The following TBX15 variants were observed in gnomAD, a reference collection of about 807,000 sequenced individuals.
The protein encoded by TBX15 is T-box transcription factor 15, also known as T-box transcription factor TBX15.
A neutral mutation model predicts 53.9 loss-of-function variants in TBX15; 18 were observed. That is an observed-to-expected ratio of 0.33 (90% CI 0.23 to 0.49). The LOEUF is 0.49. Among genes scored for constraint, TBX15 ranks in the 20% least tolerant of loss-of-function variants. TBX15 has a pLI of 0.98. For synonymous variants in TBX15, 295 were observed against 278.0 expected, an observed-to-expected ratio of 1.06 and a Z score of -0.61; for missense variants, 692 against 749.5, an observed-to-expected ratio of 0.92 and a Z score of 0.90.
chr1:118,899,100 T>A lies in TBX15; in HGVS notation c.952A>T (p.Thr318Ser). 6.2e-7 allele frequency: 1 copy of A among 1,613,638 alleles called. No individual in the cohort carries two copies. Among genetic ancestry groups the A allele is most frequent in the Non-Finnish European group, 8.5e-7 (1 of 1,179,684 alleles). Residue 318 changes from threonine (T) to serine (S), a missense_variant, in exon 7 of 8, where the codon ACA (threonine) becomes TCA (serine). Transcript: ENST00000369429. ...ACAGGAGGTCTCCAGAATGCATATG[T>A]CTCCATGATGGCTTCAAGTCCAGTT... ...NRTGLEAIME[T>S]YAFWRPPVRT...
intron 6 of TBX15, chr1:118,901,324 C>G (rs1654622509): frequency 2.2e-6 from 1 of 456,090 alleles, no homozygotes. Flanking sequence ...CAAACTTATT[C>G]TTTCATCAGG....
chr1:118,987,122 A>C (rs559767660), intron 1 of TBX15, among the ~76,000 whole-genome samples: 145 of 152,322 alleles, frequency 9.5e-4, no homozygotes, highest in African/African-American at 3.4e-3. Flanking sequence ...TTGGTGGGAG[A>C]AAGGCAAGGA....
chr1:118,898,963 T>C, intron 7 of TBX15, 65 bp downstream of exon 7: 1 of 1,514,232 alleles, frequency 6.6e-7, no homozygotes, highest in South Asian at 1.1e-5. Context: ...TGTGCTATAT[T>C]CGGTTGAGCT....
At chr1:118,898,192 C>G (rs535823038) in intron 7 of TBX15, among the ~76,000 whole-genome samples, 4 of 152,152 alleles carry the variant, frequency 2.6e-5, no homozygotes, top group Non-Finnish European at 5.9e-5. Context: ...TAGCCTAGAC[C>G]TAGTCTAACT....
At chr1:118,909,686 A>T (rs149611789) in intron 6 of TBX15, among the ~76,000 whole-genome samples, 29 of 152,278 alleles carry the variant, frequency 1.9e-4, no homozygotes, top group African/African-American at 7.0e-4. Context: ...AGATTCAAGC[A>T]ATCCTCCTGC....
At chr1:118,970,610 G>T (rs984020796) in intron 1 of TBX15, among the ~76,000 whole-genome samples, 5 of 152,186 alleles carry the variant, frequency 3.3e-5, no homozygotes, top group African/African-American at 1.2e-4. Flanking sequence ...GACCATCTGT[G>T]TCAGAACCAA....
intron 7 of TBX15, chr1:118,890,946 T>C (rs1654119693): frequency 7.7e-7 from 1 of 1,303,888 alleles, no homozygotes; most frequent in Non-Finnish European, 1.0e-6. Flanking sequence ...CTGTGTATCC[T>C]TGAGAAGTCT....
chr1:118,979,837 G>A (rs186716702), intron 1 of TBX15, among the ~76,000 whole-genome samples: 2 of 152,258 alleles, frequency 1.3e-5, no homozygotes, highest in African/African-American at 4.8e-5. Flanking sequence ...GCGATGCGGC[G>A]AGGCGAGGCG....
intron 5 of TBX15, among the ~76,000 whole-genome samples, chr1:118,920,409 T>G (rs1394858268): frequency 6.6e-6 from 1 of 152,030 alleles, no homozygotes; most frequent in African/African-American, 2.4e-5. Flanking sequence ...AGGGCATTCC[T>G]GGAAAAGAAA....
intron 5 of TBX15, among the ~76,000 whole-genome samples, chr1:118,919,375 T>C (rs553336097): frequency 3.9e-5 from 6 of 152,312 alleles, no homozygotes; most frequent in African/African-American, 1.4e-4. Flanking sequence ...GAAGAGATTC[T>C]GGGCATGCTA....
intron 5 of TBX15, among the ~76,000 whole-genome samples, chr1:118,916,736 T>A (rs538907747): frequency 1.3e-5 from 2 of 152,002 alleles, no homozygotes; most frequent in African/African-American, 4.8e-5. Context: ...CATGGTGGTG[T>A]GCACCTGTAG....
intron 1 of TBX15, among the ~76,000 whole-genome samples, chr1:118,933,048 A>G (rs1428782880): frequency 6.6e-6 from 1 of 152,158 alleles, no homozygotes; most frequent in East Asian, 1.9e-4. Flanking sequence ...AATCCTTGAC[A>G]CTAGTAAGAT....
intron 6 of TBX15, among the ~76,000 whole-genome samples, chr1:118,905,497 T>C (rs1654785550): frequency 6.6e-6 from 1 of 152,178 alleles, no homozygotes; most frequent in Non-Finnish European, 1.5e-5. Context: ...AGCCAAAGAA[T>C]ATGATAAACA....
chr1:118,914,014 T>A (rs1166426628), intron 6 of TBX15, 101 bp downstream of exon 6: 3 of 1,150,886 alleles, frequency 2.6e-6, no homozygotes, highest in Non-Finnish European at 3.9e-6. Context: ...TGGCGGAGCA[T>A]ACAGGTGTTT....
At chr1:118,907,259 C>A (rs1044535729) in intron 6 of TBX15, among the ~76,000 whole-genome samples, 1 of 152,106 alleles carries the variant, frequency 6.6e-6, no homozygotes, top group Admixed American at 6.6e-5. Context: ...AGGGTAAAGC[C>A]CAAGGTCACA....
At position 118,884,181 on chromosome 1, in the gene TBX15, C is replaced by T. The variant is rs1189644443; in HGVS notation, c.*551G>A. 1.3e-5 allele frequency: 2 copies of T among 157,214 alleles called. No homozygotes were observed. Among genetic ancestry groups the T allele is most frequent in the African/African-American group, 4.8e-5 (2 of 41,466 alleles). The allele number at this position is 157,214 out of a possible 1,614,324, so 9.7% of individuals were successfully genotyped here. ...CAGAGGAAGCTGCAGGGGAGAAAGA[C>T]TGGCAGCTACTGCTGGCCCACTCCA... On this transcript the variant is annotated 3_prime_UTR_variant, in exon 8 of 8. Transcript: ENST00000369429.
At chr1:118,966,346 G>A (rs1657033897) in intron 1 of TBX15, among the ~76,000 whole-genome samples, 1 of 152,184 alleles carries the variant, frequency 6.6e-6, no homozygotes, top group South Asian at 2.1e-4. Flanking sequence ...GGCCTGCTGG[G>A]CAGCAGCTGA....
chr1:118,972,573 A>G (rs1209920246), intron 1 of TBX15, among the ~76,000 whole-genome samples: 2 of 152,070 alleles, frequency 1.3e-5, no homozygotes, highest in Non-Finnish European at 2.9e-5. Context: ...ATCTTGTGCC[A>G]ACACTCTCCA....
chr1:118,885,170 A>C lies in TBX15; in HGVS notation c.1371T>G (p.Pro457=). Residue 457 remains proline (P), a synonymous_variant, in exon 8 of 8, where the codon CCT becomes CCG. Coordinates refer to ENST00000369429, the MANE Select transcript of TBX15 (RefSeq NM_001330677.2). ...CGTAGGCTTCCATCTTGCTGTTGCC[A>C]GGCAACGAGGGAGGAGTTGGTATTC... is the stretch of plus-strand genomic sequence containing the variant. ...ISGIPTPPSL[P]GNSKMEAYGG... 1 of 1,614,214 alleles carries C rather than the reference A, an allele frequency of 6.2e-7. No individual in the cohort carries two copies. The highest frequency in any genetic ancestry group is 2.2e-5 in the East Asian group (1 of 44,878).
Sources: allele counts gnomAD v4.1 joint callset (sites outside exome capture counted in the v4.1 genomes callset), GRCh38; gene constraint gnomAD v4.1.1; transcripts MANE v1.5; gene names NCBI Gene and HGNC (gene_info 2026-07-23, HGNC 2026-07-21).